The following ITGAE variants were observed in gnomAD, a reference collection of about 807,000 sequenced individuals.
ITGAE encodes the protein integrin subunit alpha E, also known as integrin alpha-E.
In ITGAE, 99 loss-of-function variants were observed where a neutral mutation model predicts 136.5. The observed-to-expected ratio is 0.73, with a 90% CI of 0.62 to 0.86. ITGAE has a LOEUF of 0.86. Ranked by LOEUF, ITGAE falls within the 40% of genes least tolerant of loss-of-function variation. The pLI, the probability that ITGAE is intolerant of heterozygous loss-of-function variation, is 0.00. For missense variants in ITGAE, 1,447 were observed against 1,515.3 expected (o/e 0.95, Z 0.75); for synonymous variants, 613 against 591.8 (o/e 1.04, Z -0.52).
At chr17:3,722,881 T>C (rs1426886437) in intron 28 of ITGAE, among the ~76,000 whole-genome samples, 3 of 152,202 alleles carry the variant, frequency 2.0e-5, no homozygotes, top group African/African-American at 7.2e-5. Flanking sequence ...GGGAATTATT[T>C]GTAAAGAATG....
At chr17:3,780,549 C>T (rs1054405375) in intron 1 of ITGAE, among the ~76,000 whole-genome samples, 3 of 152,294 alleles carry the variant, frequency 2.0e-5, no homozygotes, top group Non-Finnish European at 2.9e-5. Flanking sequence ...CCGCCCACCT[C>T]GGCCTCCCAA....
At chr17:3,762,133 G>A (rs1597344371) in intron 3 of ITGAE, 151 bp from the exon 4 acceptor site, 1 of 654,506 alleles carries the variant, frequency 1.5e-6, no homozygotes, top group Non-Finnish European at 2.7e-6. Context: ...TAGAGCGGGG[G>A]CCTTCAAGGT....
chr17:3,757,775 C>T lies in ITGAE; in HGVS notation c.951G>A (p.Glu317=). The T allele has an allele frequency of 6.2e-7, 1 of 1,614,120 alleles. No homozygotes were observed. The highest frequency in any genetic ancestry group is 1.1e-5 in the South Asian group (1 of 91,078). ...TGACTGTCGTAAGGTTGAGGGGGTC[C>T]TCGAATATGCCACCATCGGTGAGCA... ...MVVLTDGGIF[E]DPLNLTTVIN... Residue 317 remains glutamate, a synonymous_variant, in exon 9 of 31, where the codon GAG becomes GAA. Transcript: ENST00000263087.
Position 3,753,362 on chromosome 17 carries a change from C to T in ITGAE, c.1596G>A (p.Leu532=). ...DIDMDGSTDF[L]LVAAPFYHVH... is the part of the protein sequence containing the mutation. ...CGTGGTAAAATGGAGCAGCCACCAG[C>T]AAGAAGTCCGTGCTTCCATCCATGT... Residue 532 remains leucine (L), a synonymous_variant, in exon 14 of 31, where the codon TTG becomes TTA. Coordinates refer to ENST00000263087, the MANE Select transcript of ITGAE (RefSeq NM_002208.5). The T allele has an allele frequency of 1.2e-6, 2 of 1,614,188 alleles. No homozygotes were observed. The highest frequency in any genetic ancestry group is 1.7e-6 in the Non-Finnish European group (2 of 1,180,034).
chr17:3,729,411 G>C, intron 24 of ITGAE, 67 bp downstream of exon 24: 1 of 973,522 alleles, frequency 1.0e-6, no homozygotes, highest in Non-Finnish European at 1.7e-6. Flanking sequence ...CCATCTACGA[G>C]AGAGAGCCCA....
In ITGAE at chr17:3,728,004, C is replaced by T; in HGVS notation, c.2999G>A (p.Gly1000Glu). The T allele has an allele frequency of 6.2e-7, 1 of 1,614,012 alleles. No individual in the cohort carries two copies. The highest frequency in any genetic ancestry group is 8.5e-7 in the Non-Finnish European group (1 of 1,179,902). ...LFHVHGENLF[G>E]AEYQLQICVP... The stretch of plus-strand genomic sequence containing the variant: ...GCAAATTTGCAACTGGTATTCTGCT[C>T]CAAAGAGGTTCTCCCCATGTACCTG... Residue 1000 changes from glycine (G) to glutamate (E), a missense_variant, in exon 26 of 31, where the codon GGA becomes GAA. Transcript: ENST00000263087.
At chr17:3,765,115 C>T (rs1465403939) in intron 2 of ITGAE, among the ~76,000 whole-genome samples, 1 of 151,696 alleles carries the variant, frequency 6.6e-6, no homozygotes, top group South Asian at 2.1e-4. Context: ...TTTGGGAGGC[C>T]GAGGCAGGCA....
chr17:3,736,937 C>A (rs2051470781), intron 20 of ITGAE, among the ~76,000 whole-genome samples: 1 of 151,978 alleles, frequency 6.6e-6, no homozygotes, highest in South Asian at 2.1e-4. Flanking sequence ...GAGGGAGAGA[C>A]AGGAAGCAGA....
chr17:3,794,165 G>C lies in ITGAE; in HGVS notation c.34+6946C>G, dbSNP rs559012077. 1.6e-4 allele frequency among the ~76,000 whole-genome samples: 25 copies of C among 152,064 alleles called. No individual in the cohort carries two copies. In the South Asian group the frequency reaches 5.2e-3, roughly 32 times the overall value. ...GACTAATTTTTGTATTTTTAGTAGA[G>C]ACGGGGTTTTGCCATGTTGGTCAGG... On this transcript the variant is annotated intron_variant, in intron 1 of 30. Transcript: ENST00000263087.
intron 1 of ITGAE, among the ~76,000 whole-genome samples, chr17:3,795,753 T>A (rs1352983832): frequency 6.6e-6 from 1 of 151,974 alleles, no homozygotes; most frequent in Non-Finnish European, 1.5e-5. Context: ...AGAGGCACGG[T>A]GGCATGAGAC....
Position 3,759,785 on chromosome 17 carries a change from A to G in ITGAE, c.715-232T>C, listed in dbSNP as rs139570066. On this transcript the variant is annotated intron_variant, in intron 7 of 30. Coordinates refer to ENST00000263087, the MANE Select transcript of ITGAE (RefSeq NM_002208.5). Reference sequence around the variant, plus strand: ...CCCAGCTCCCTGTGTAGTGCCCTCCATACTGACGATGGGATTGGTCATGTG... The same window carrying G: ...CCCAGCTCCCTGTGTAGTGCCCTCCGTACTGACGATGGGATTGGTCATGTG... Among the ~76,000 whole-genome samples, 600 of 152,332 alleles carry G rather than the reference A, an allele frequency of 3.9e-3. 8 individuals carry two copies. The highest frequency in any genetic ancestry group is 0.013 in the African/African-American group (559 of 41,586).
At chr17:3,730,208 T>C (rs1023469391) in intron 23 of ITGAE, among the ~76,000 whole-genome samples, 23 of 151,784 alleles carry the variant, frequency 1.5e-4, no homozygotes, top group African/African-American at 5.1e-4. Flanking sequence ...GTAATCCCAG[T>C]GCTTTGGGAG....
chr17:3,723,821 T>A, intron 26 of ITGAE, 77 bp from the exon 27 acceptor site: 1 of 1,563,752 alleles, frequency 6.4e-7, no homozygotes, highest in African/African-American at 1.4e-5. Flanking sequence ...GCCCCGGCCC[T>A]GGCGAGGTGC....
intron 28 of ITGAE, among the ~76,000 whole-genome samples, chr17:3,722,816 G>A (rs1190154777): frequency 6.6e-6 from 1 of 152,192 alleles, no homozygotes; most frequent in African/African-American, 2.4e-5. Flanking sequence ...TTTTTAATAA[G>A]CAGGGGAATG....
chr17:3,770,726 C>A (rs2052400964), intron 2 of ITGAE, among the ~76,000 whole-genome samples: 1 of 152,310 alleles, frequency 6.6e-6, no homozygotes, highest in African/African-American at 2.4e-5. Context: ...AGCCTGGGAG[C>A]CCCTCTCTGC....
intron 29 of ITGAE, among the ~76,000 whole-genome samples, chr17:3,719,253 A>AT (rs200619261): frequency 9.1e-6 from 1 of 109,550 alleles, no homozygotes; most frequent in Non-Finnish European, 1.9e-5. Context: ...AAAAAAAAAA[A>AT]AAAGAAAAGA....
rs777347111 is a variant in ITGAE at position 3,750,521 on chromosome 17, G to C, written c.1894-39C>G. The C allele has an allele frequency of 2.5e-6, 4 of 1,612,218 alleles. No individual in the cohort carries two copies. In the Admixed American group the frequency reaches 5.0e-5, roughly 20 times the overall value. On this transcript the variant is annotated intron_variant, in intron 15 of 30. Transcript: ENST00000263087. ...AACACAAGGCGTGGGGCGAGGGAAG[G>C]GAGGGAAACGGGGCGGGGAGTCCTT...
In ITGAE at chr17:3,768,774, CT is replaced by C. The variant is rs1212106670; in HGVS notation, c.156-4815del. ...GCCATCATCTGATAGTGCCTATTATCTGTCTCCCCACGAGACAGTAGGCTCC... is the reference window on the plus strand; with the variant it reads ...GCCATCATCTGATAGTGCCTATTATCGTCTCCCCACGAGACAGTAGGCTCC... On this transcript the variant is annotated intron_variant, in intron 2 of 30. Transcript: ENST00000263087. Among the ~76,000 whole-genome samples, 8 of 152,344 alleles carry C rather than the reference CT, an allele frequency of 5.3e-5. 1 individual carries two copies. Among genetic ancestry groups the C allele is most frequent in the East Asian group, 3.9e-4 (2 of 5,190 alleles).
rs183336728 is a variant in ITGAE, at chr17:3,778,523, G to A, written c.35-863C>T. Among the ~76,000 whole-genome samples the A allele has an allele frequency of 1.4e-4, 21 of 152,176 alleles. 1 individual carries two copies. Among genetic ancestry groups the A allele is most frequent in the South Asian group, 1.0e-3 (5 of 4,822 alleles). Reference sequence around the variant, plus strand: ...GGTTGCAGTGAGCCGAGATTGCACCGCTGCACTCCAGCCTGAGCAACAGAG... The same window carrying A: ...GGTTGCAGTGAGCCGAGATTGCACCACTGCACTCCAGCCTGAGCAACAGAG... On this transcript the variant is annotated intron_variant, in intron 1 of 30. Coordinates refer to ENST00000263087, the MANE Select transcript of ITGAE (RefSeq NM_002208.5).
Sources: gnomAD v4.1 joint callset for allele counts (sites outside exome capture counted in the v4.1 genomes callset) on GRCh38, gnomAD v4.1.1 for gene constraint, MANE v1.5 for transcripts, NCBI Gene and HGNC (gene_info 2026-07-23, HGNC 2026-07-21) for gene names.